Variants in RPAP2 observed in about 807,000 individuals in gnomAD.
RPAP2 encodes the protein putative RNA polymerase II subunit B1 CTD phosphatase RPAP2.
In RPAP2, 52 loss-of-function variants were observed where a neutral mutation model predicts 73.1. The observed-to-expected ratio is 0.71, with a 90% CI of 0.57 to 0.90. The LOEUF (loss-of-function observed/expected upper bound fraction) is 0.90, where lower values mean the gene tolerates loss of function less well. Among genes scored for constraint, RPAP2 ranks in the 40% least tolerant of loss-of-function variants. RPAP2 has a pLI of 0.00. For missense variants in RPAP2, 598 were observed against 701.8 expected, an observed-to-expected ratio of 0.85 and a Z score of 1.67; for synonymous variants, 225 against 242.1, an observed-to-expected ratio of 0.93 and a Z score of 0.65.
chr1:92,304,430 T>G (rs1468690986), intron 5 of RPAP2, 81 bp downstream of exon 5: 5 of 701,970 alleles, frequency 7.1e-6, no homozygotes, highest in African/African-American at 5.6e-5. Flanking sequence ...GCAATTAATT[T>G]TTAATGATAT....
At chr1:92,361,622 G>C (rs543515648) in intron 11 of RPAP2, among the ~76,000 whole-genome samples, 4 of 152,200 alleles carry the variant, frequency 2.6e-5, no homozygotes, top group African/African-American at 9.6e-5. Context: ...GGACTATTTA[G>C]CCTTAAAAGA....
intron 6 of RPAP2, among the ~76,000 whole-genome samples, chr1:92,308,250 C>G (rs573881373): frequency 6.6e-6 from 1 of 152,154 alleles, no homozygotes; most frequent in Admixed American, 6.5e-5. Context: ...CACTGTGTGG[C>G]CCTTGATAAT....
At chr1:92,353,218 A>ATAT (rs1241684760) in intron 11 of RPAP2, among the ~76,000 whole-genome samples, 7 of 152,180 alleles carry the variant, frequency 4.6e-5, no homozygotes, top group East Asian at 1.9e-4. Context: ...CTAGGAGTAG[A>ATAT]ATTGCTGGGT....
At chr1:92,358,167 C>T (rs1037847521) in intron 11 of RPAP2, among the ~76,000 whole-genome samples, 1 of 152,222 alleles carries the variant, frequency 6.6e-6, no homozygotes, top group Non-Finnish European at 1.5e-5. Flanking sequence ...CTTTCAATTG[C>T]TCTTAAAGAA....
chr1:92,322,107 G>C (rs1652308301), intron 7 of RPAP2, among the ~76,000 whole-genome samples: 1 of 150,474 alleles, frequency 6.6e-6, no homozygotes, highest in East Asian at 2.0e-4. Context: ...CACCACTCCT[G>C]GCTAATTTTT....
chr1:92,351,263 C>A (rs1213051764), intron 11 of RPAP2, among the ~76,000 whole-genome samples: 2 of 133,808 alleles, frequency 1.5e-5, no homozygotes, highest in Non-Finnish European at 3.1e-5. Context: ...GCCAAGATTG[C>A]GCCACTGCAC....
At chr1:92,314,437 T>C (rs1385311399) in intron 6 of RPAP2, among the ~76,000 whole-genome samples, 1 of 151,862 alleles carries the variant, frequency 6.6e-6, no homozygotes, top group Non-Finnish European at 1.5e-5. Context: ...GCAATTGAAA[T>C]GGATCTCACA....
intron 6 of RPAP2, among the ~76,000 whole-genome samples, chr1:92,313,379 T>C (rs968087960): frequency 6.6e-6 from 1 of 152,156 alleles, no homozygotes; most frequent in Middle Eastern, 3.2e-3. Flanking sequence ...ATCTTGTACA[T>C]TTGCATCAGA....
chr1:92,365,883 C>G (rs528826410), intron 11 of RPAP2, among the ~76,000 whole-genome samples: 1 of 152,166 alleles, frequency 6.6e-6, no homozygotes, highest in African/African-American at 2.4e-5. Context: ...GTTATTTGTT[C>G]ATCTTTTACT....
rs1656302711 is a variant in RPAP2 at position 92,400,966 on chromosome 1, GGAAGA to G, written c.*13956_*13960del. Reference sequence around the variant, plus strand: ...TTACAATCATAGCAGAAGGCAAAGGGGAAGAAAGGCACCTTCTTCACAGGGCGGCA... The same window carrying G: ...TTACAATCATAGCAGAAGGCAAAGGGAAGGCACCTTCTTCACAGGGCGGCA... On this transcript the variant is annotated 3_prime_UTR_variant, in exon 13 of 13. Coordinates refer to ENST00000610020, the MANE Select transcript of RPAP2 (RefSeq NM_024813.3). 6.6e-6 allele frequency: 1 copy of G among 152,220 alleles called. No individual in the cohort carries two copies. The highest frequency in any genetic ancestry group is 1.5e-5 in the Non-Finnish European group (1 of 68,066). 9.4% of individuals were successfully genotyped at this position (152,220 alleles called of 1,614,324 possible). A position where few individuals can be genotyped will look rare whatever the true frequency, so the allele number is the denominator to read the frequency against.
chr1:92,359,898 C>G (rs1654649818), intron 11 of RPAP2, among the ~76,000 whole-genome samples: 1 of 152,090 alleles, frequency 6.6e-6, no homozygotes, highest in African/African-American at 2.4e-5. Flanking sequence ...ACAGAGAAAG[C>G]AGAAAAGGGG....
chr1:92,346,956 T>C (rs1469438341), intron 11 of RPAP2, among the ~76,000 whole-genome samples: 2 of 152,210 alleles, frequency 1.3e-5, no homozygotes, highest in East Asian at 3.9e-4. Flanking sequence ...AAAAGTGTTA[T>C]GAATCAATCT....
intron 10 of RPAP2, among the ~76,000 whole-genome samples, chr1:92,339,251 A>G (rs1309913835): frequency 6.6e-6 from 1 of 152,240 alleles, no homozygotes; most frequent in East Asian, 1.9e-4. Flanking sequence ...GATTTGCTCA[A>G]ATTTGGAAGC....
At chr1:92,303,805 C>T (rs764234777) in intron 3 of RPAP2, among the ~76,000 whole-genome samples, 172 bp from the exon 4 acceptor site, 1 of 152,040 alleles carries the variant, frequency 6.6e-6, no homozygotes, top group African/African-American at 2.4e-5. Context: ...ATATGTTGAG[C>T]ACTTCTCTAA....
At position 92,394,744 on chromosome 1, in the gene RPAP2, G is replaced by T. The variant is rs1656143415; in HGVS notation, c.*7733G>T. The T allele has an allele frequency of 6.6e-6, 1 of 152,212 alleles. No homozygotes were observed. The highest frequency in any genetic ancestry group is 2.4e-5 in the African/African-American group (1 of 41,456). The allele number at this position is 152,212 out of a possible 1,614,324, so 9.4% of individuals were successfully genotyped here. On this transcript the variant is annotated 3_prime_UTR_variant, in exon 13 of 13. Transcript: ENST00000610020. ...TTCATGAATTGGAAGATCAAATGTTGTTAAGATAGCAGTTCTCCCCAAATT... is the reference window on the plus strand; with the variant it reads ...TTCATGAATTGGAAGATCAAATGTTTTTAAGATAGCAGTTCTCCCCAAATT...
chr1:92,363,800 GCTTAA>G, intron 11 of RPAP2: 1 of 273,916 alleles, frequency 3.7e-6, no homozygotes, highest in South Asian at 3.9e-5. Flanking sequence ...TTTATGATTT[GCTTAA>G]CATTTTTTTT....
chr1:92,341,677 C>T (rs778846880), intron 10 of RPAP2, among the ~76,000 whole-genome samples: 9 of 152,190 alleles, frequency 5.9e-5, no homozygotes, highest in Non-Finnish European at 1.0e-4. Flanking sequence ...TTGTATCTTG[C>T]TCTGTCGTCC....
At position 92,398,275 on chromosome 1, in the gene RPAP2, A is replaced by T. The variant is rs1005071457; in HGVS notation, c.*11264A>T. The T allele has an allele frequency of 6.6e-6, 1 of 152,222 alleles. No individual in the cohort carries two copies. Among genetic ancestry groups the T allele is most frequent in the Non-Finnish European group, 1.5e-5 (1 of 68,046 alleles). The allele number at this position is 152,222 out of a possible 1,614,324, so 9.4% of individuals were successfully genotyped here. ...TATTACACATTGCATGCCTGTACCA[A>T]AATATTTCATGTAACCCATAAATAT... On this transcript the variant is annotated 3_prime_UTR_variant, in exon 13 of 13. Coordinates refer to ENST00000610020, the MANE Select transcript of RPAP2 (RefSeq NM_024813.3).
In RPAP2 at chr1:92,300,337, A is replaced by G. The variant is rs533449197; in HGVS notation, c.119+98A>G. On this transcript the variant is annotated intron_variant, in intron 2 of 12. Coordinates refer to ENST00000610020, the MANE Select transcript of RPAP2 (RefSeq NM_024813.3). Reference sequence around the variant, plus strand: ...ATAATGGTTACCTTTTTTTTTTTAGAGAAAATTATCATGAGAGGGAAGGGA... The same window carrying G: ...ATAATGGTTACCTTTTTTTTTTTAGGGAAAATTATCATGAGAGGGAAGGGA... 5.5e-6 allele frequency: 5 copies of G among 912,104 alleles called. No homozygotes were observed. The East Asian group carries it at 7.3e-5, about 13-fold the overall frequency. 56.5% of individuals were successfully genotyped at this position (912,104 alleles called of 1,614,324 possible). A position where few individuals can be genotyped will look rare whatever the true frequency, so the allele number is the denominator to read the frequency against.
Sources: gnomAD v4.1 joint callset for allele counts (sites outside exome capture counted in the v4.1 genomes callset) on GRCh38, gnomAD v4.1.1 for gene constraint, MANE v1.5 for transcripts, NCBI Gene and HGNC (gene_info 2026-07-23, HGNC 2026-07-21) for gene names.